Variants in RALYL observed in about 807,000 individuals in gnomAD.
RALYL encodes the protein RALY RNA binding protein like, also known as RNA-binding Raly-like protein.
In RALYL, 29 loss-of-function variants were observed where a neutral mutation model predicts 35.1. The observed-to-expected ratio is 0.83, with a 90% CI of 0.61 to 1.13. The LOEUF (loss-of-function observed/expected upper bound fraction) is 1.13, where lower values mean the gene tolerates loss of function less well. Among genes scored for constraint, RALYL ranks in the 50% most tolerant of loss-of-function variants. RALYL has a pLI of 0.00. For synonymous variants in RALYL, 120 were observed against 127.6 expected, an observed-to-expected ratio of 0.94 and a Z score of 0.40; for missense variants, 359 against 360.4, an observed-to-expected ratio of 1.00 and a Z score of 0.03.
intron 1 of RALYL, among the ~76,000 whole-genome samples, chr8:84,498,086 T>A (rs1271520430): frequency 3.3e-5 from 5 of 152,036 alleles, no homozygotes; most frequent in African/African-American, 1.2e-4. Context: ...GTGAATATAA[T>A]ACCTAATAGG....
chr8:84,308,034 A>G (rs1842142611), intron 1 of RALYL, among the ~76,000 whole-genome samples: 1 of 152,110 alleles, frequency 6.6e-6, no homozygotes, highest in Non-Finnish European at 1.5e-5. Flanking sequence ...AGAAAAAAAA[A>G]AAAATCCCTC....
chr8:84,471,489 G>C (rs1257408650), intron 1 of RALYL, among the ~76,000 whole-genome samples: 1 of 151,948 alleles, frequency 6.6e-6, no homozygotes, highest in African/African-American at 2.4e-5. Context: ...AGCTACTCTG[G>C]GGGCTGAGGT....
intron 4 of RALYL, among the ~76,000 whole-genome samples, chr8:84,820,724 C>A (rs1174771481): frequency 1.3e-5 from 2 of 152,024 alleles, no homozygotes; most frequent in Non-Finnish European, 2.9e-5. Flanking sequence ...CCCTGACAGG[C>A]CCTGGTGTGT....
At chr8:84,614,644 T>A (rs1819033365) in intron 2 of RALYL, among the ~76,000 whole-genome samples, 1 of 151,586 alleles carries the variant, frequency 6.6e-6, no homozygotes, top group Non-Finnish European at 1.5e-5. Context: ...CTATTTTTAA[T>A]GGCAAAAACC....
At chr8:84,790,055 A>T (rs1369465339) in intron 3 of RALYL, among the ~76,000 whole-genome samples, 1 of 152,250 alleles carries the variant, frequency 6.6e-6, no homozygotes, top group Non-Finnish European at 1.5e-5. Flanking sequence ...GGTGAAGCAC[A>T]TATAGACAGG....
At chr8:84,492,073 C>T (rs1395880021) in intron 1 of RALYL, among the ~76,000 whole-genome samples, 1 of 151,832 alleles carries the variant, frequency 6.6e-6, no homozygotes, top group Non-Finnish European at 1.5e-5. Flanking sequence ...ACTATAAAAA[C>T]TATAAACTTT....
intron 2 of RALYL, among the ~76,000 whole-genome samples, chr8:84,609,434 G>T (rs1247654599): frequency 6.6e-6 from 1 of 152,110 alleles, no homozygotes; most frequent in Non-Finnish European, 1.5e-5. Flanking sequence ...CAGTGCATGA[G>T]AATTCCTTCC....
At chr8:84,211,525 G>A (rs1182840309) in intron 1 of RALYL, among the ~76,000 whole-genome samples, 1 of 152,030 alleles carries the variant, frequency 6.6e-6, no homozygotes, top group Non-Finnish European at 1.5e-5. Flanking sequence ...TTATCATTTG[G>A]TGATTAGATT....
chr8:84,622,147 A>T (rs1294991932), intron 2 of RALYL, among the ~76,000 whole-genome samples: 2 of 152,184 alleles, frequency 1.3e-5, no homozygotes, highest in Non-Finnish European at 1.5e-5. Flanking sequence ...CATAGTAGTG[A>T]ATGAAAATTT....
At chr8:84,478,249 A>G (rs1587651808) in intron 1 of RALYL, among the ~76,000 whole-genome samples, 1 of 152,266 alleles carries the variant, frequency 6.6e-6, no homozygotes, top group East Asian at 1.9e-4. Context: ...CTATTCAAAT[A>G]TACTGATTGA....
chr8:84,782,031 GCACACACACA>G (rs35098202), intron 3 of RALYL, among the ~76,000 whole-genome samples: 15 of 148,650 alleles, frequency 1.0e-4, no homozygotes, highest in African/African-American at 3.7e-4. Flanking sequence ...GCACACGCGC[GCACACACACA>G]CACACACACA....
chr8:84,439,442 T>A (rs2048097040), intron 1 of RALYL, among the ~76,000 whole-genome samples: 1 of 152,108 alleles, frequency 6.6e-6, no homozygotes. Context: ...ATACTAGAAA[T>A]AAATAATACA....
chr8:84,651,241 T>A (rs1828748402), intron 2 of RALYL, among the ~76,000 whole-genome samples: 2 of 151,558 alleles, frequency 1.3e-5, no homozygotes, highest in Admixed American at 1.3e-4. Flanking sequence ...ATTAAAAAAA[T>A]TAAAATAAAA....
At chr8:84,809,449 TG>T (rs1367230316) in intron 4 of RALYL, among the ~76,000 whole-genome samples, 1 of 152,138 alleles carries the variant, frequency 6.6e-6, no homozygotes, top group Admixed American at 6.5e-5. Context: ...TTTTCTTTTT[TG>T]GTTATGTCCT....
At chr8:84,451,910 C>G (rs1205053396) in intron 1 of RALYL, among the ~76,000 whole-genome samples, 1 of 151,822 alleles carries the variant, frequency 6.6e-6, no homozygotes, top group Non-Finnish European at 1.5e-5. Context: ...GTTTTATTTG[C>G]TATGTTGTTC....
chr8:84,617,128 G>C (rs1343989137), intron 2 of RALYL, among the ~76,000 whole-genome samples: 1 of 150,542 alleles, frequency 6.6e-6, no homozygotes, highest in Non-Finnish European at 1.5e-5. Flanking sequence ...ATTCTGTGAA[G>C]AAAGTCATTG....
chr8:84,503,098 T>C (rs1243142265), intron 1 of RALYL, among the ~76,000 whole-genome samples: 1 of 152,098 alleles, frequency 6.6e-6, no homozygotes, highest in African/African-American at 2.4e-5. Flanking sequence ...GAGCAAAATC[T>C]ATGTGAGTTT....
intron 1 of RALYL, among the ~76,000 whole-genome samples, chr8:84,508,830 G>A (rs2057379410): frequency 7.1e-6 from 1 of 140,842 alleles, no homozygotes; most frequent in African/African-American, 2.6e-5. Context: ...GGCTGATGAT[G>A]CATTATAAAA....
intron 4 of RALYL, among the ~76,000 whole-genome samples, chr8:84,810,476 A>G (rs572903364): frequency 5.6e-4 from 85 of 152,262 alleles, no homozygotes; most frequent in African/African-American, 1.8e-3. Flanking sequence ...GTTGGATGAA[A>G]TGTTCTGTAT....
Sources: gnomAD v4.1 joint callset for allele counts (sites outside exome capture counted in the v4.1 genomes callset) on GRCh38, gnomAD v4.1.1 for gene constraint, MANE v1.5 for transcripts, NCBI Gene and HGNC (gene_info 2026-07-23, HGNC 2026-07-21) for gene names.